PLEKHG1: variants seen among roughly 807,000 people sequenced by gnomAD.
The protein encoded by PLEKHG1 is pleckstrin homology domain-containing family G member 1.
Under a neutral mutation model 100.8 loss-of-function variants are expected in PLEKHG1, and 44 were observed. That is an observed-to-expected ratio of 0.44 (90% CI 0.34 to 0.56). PLEKHG1 has a LOEUF of 0.56. Ranked by LOEUF, PLEKHG1 falls within the 20% of genes least tolerant of loss-of-function variation. The probability of loss-of-function intolerance (pLI) is 0.01; values close to 1 mark genes in which losing one functional copy is unlikely to be tolerated. For synonymous variants in PLEKHG1, 640 were observed against 662.5 expected, an observed-to-expected ratio of 0.97 and a Z score of 0.52; for missense variants, 1,545 against 1,720.9, an observed-to-expected ratio of 0.90 and a Z score of 1.81.
At chr6:150,778,310 TAG>T (rs903884695) in intron 3 of PLEKHG1, among the ~76,000 whole-genome samples, 1 of 152,176 alleles carries the variant, frequency 6.6e-6, no homozygotes. Context: ...GTATTTTTAG[TAG>T]AGAGGGGGCT....
intron 13 of PLEKHG1, among the ~76,000 whole-genome samples, chr6:150,823,070 G>T (rs965879248): frequency 6.6e-6 from 1 of 152,208 alleles, no homozygotes; most frequent in Non-Finnish European, 1.5e-5. Context: ...GCTGTTAACT[G>T]TTGTTTCCTC....
intron 1 of PLEKHG1, among the ~76,000 whole-genome samples, chr6:150,603,300 T>C (rs1208672109): frequency 6.6e-6 from 1 of 152,138 alleles, no homozygotes; most frequent in Non-Finnish European, 1.5e-5. Flanking sequence ...TCAATCTTGC[T>C]TGATAAAATT....
chr6:150,648,195 T>A (rs1176961024), intron 2 of PLEKHG1, among the ~76,000 whole-genome samples: 1 of 152,160 alleles, frequency 6.6e-6, no homozygotes, highest in East Asian at 1.9e-4. Flanking sequence ...TTAAATGATC[T>A]TAACCTTTAC....
chr6:150,801,152 T>C (rs1345625106), intron 6 of PLEKHG1, among the ~76,000 whole-genome samples: 1 of 152,208 alleles, frequency 6.6e-6, no homozygotes, highest in Non-Finnish European at 1.5e-5. Context: ...CAGGGAGCTA[T>C]CATGCGAATG....
intron 2 of PLEKHG1, among the ~76,000 whole-genome samples, chr6:150,748,850 T>G (rs1783330225): frequency 6.6e-6 from 1 of 152,100 alleles, no homozygotes. Context: ...GGTCTGGAAC[T>G]CCTGACCTCA....
chr6:150,612,058 C>CCCCA (rs1554251541), intron 1 of PLEKHG1, among the ~76,000 whole-genome samples: 8 of 101,842 alleles, frequency 7.9e-5, no homozygotes, highest in South Asian at 7.9e-4. Context: ...CCCCCCCCCC[C>CCCCA]CCTTTTCTAG....
intron 3 of PLEKHG1, chr6:150,686,662 T>C (rs1184731768): frequency 6.6e-6 from 1 of 152,214 alleles, no homozygotes; most frequent in Non-Finnish European, 1.5e-5. Context: ...TTCTCTTGTC[T>C]CACCTCCCAA....
chr6:150,632,445 G>A (rs1232020623), intron 1 of PLEKHG1, among the ~76,000 whole-genome samples: 1 of 152,272 alleles, frequency 6.6e-6, no homozygotes, highest in Non-Finnish European at 1.5e-5. Context: ...GGCCTTGGGT[G>A]TCTATGGAGG....
chr6:150,694,995 T>C (rs1400047162), intron 3 of PLEKHG1, among the ~76,000 whole-genome samples: 1 of 152,200 alleles, frequency 6.6e-6, no homozygotes, highest in African/African-American at 2.4e-5. Flanking sequence ...TATTCCTACA[T>C]TGACATTTTA....
intron 3 of PLEKHG1, among the ~76,000 whole-genome samples, chr6:150,700,593 A>G (rs1780732515): frequency 6.6e-6 from 1 of 152,192 alleles, no homozygotes; most frequent in Non-Finnish European, 1.5e-5. Flanking sequence ...CACATATTCG[A>G]GATTCTCTAA....
intron 2 of PLEKHG1, among the ~76,000 whole-genome samples, chr6:150,755,152 T>A (rs1048600533): frequency 1.5e-4 from 23 of 151,984 alleles, no homozygotes; most frequent in Admixed American, 1.3e-3. Flanking sequence ...GTTTTTTAAT[T>A]TTTTTGTGGA....
intron 2 of PLEKHG1, among the ~76,000 whole-genome samples, chr6:150,745,187 C>A (rs1300204660): frequency 1.3e-5 from 2 of 152,174 alleles, no homozygotes; most frequent in African/African-American, 2.4e-5. Context: ...TTCTAGGCTA[C>A]AAACCTATAC....
intron 3 of PLEKHG1, chr6:150,663,605 G>A (rs113397083): frequency 0.084 from 12,411 of 148,120 alleles, 609 homozygotes; most frequent in South Asian, 0.16. Flanking sequence ...CCAGGCTGGA[G>A]TACAGTGGCA....
chr6:150,688,593 C>G (rs1780230525), intron 3 of PLEKHG1, among the ~76,000 whole-genome samples: 1 of 152,124 alleles, frequency 6.6e-6, no homozygotes, highest in Non-Finnish European at 1.5e-5. Flanking sequence ...AAGAGGCCTT[C>G]TCTCTTTGGG....
At chr6:150,840,230 C>T in exon 16 of PLEKHG1, 3 of 1,614,226 alleles carry the variant, frequency 1.9e-6, no homozygotes, top group South Asian at 2.2e-5. Context: ...ATCTTTACAA[C>T]TCCTTGGGTC....
intron 3 of PLEKHG1, among the ~76,000 whole-genome samples, chr6:150,707,824 G>A (rs1471163426): frequency 1.3e-5 from 2 of 152,124 alleles, no homozygotes; most frequent in African/African-American, 2.4e-5. Context: ...TACAGGTAAA[G>A]TCACTTTAAA....
At chr6:150,819,607 C>T in intron 11 of PLEKHG1, 72 bp from the exon 13 acceptor site, 1 of 765,444 alleles carries the variant, frequency 1.3e-6, no homozygotes, top group African/African-American at 1.7e-5. Context: ...TATAAATCTA[C>T]ACTAGCCATA....
intron 6 of PLEKHG1, among the ~76,000 whole-genome samples, chr6:150,803,859 GC>G (rs1202605717): frequency 6.6e-6 from 1 of 151,980 alleles, no homozygotes; most frequent in African/African-American, 2.4e-5. Flanking sequence ...AAATAAGTAT[GC>G]ATTTTATCTT....
At chr6:150,654,633 A>G (rs578075562) in intron 3 of PLEKHG1, among the ~76,000 whole-genome samples, 1 of 152,368 alleles carries the variant, frequency 6.6e-6, no homozygotes, top group South Asian at 2.1e-4. Flanking sequence ...TAGAAATAAT[A>G]TGGCGAAGGC....
Sources: allele counts gnomAD v4.1 joint callset (sites outside exome capture counted in the v4.1 genomes callset), GRCh38; gene constraint gnomAD v4.1.1; transcripts MANE v1.5; gene names NCBI Gene and HGNC (gene_info 2026-07-23, HGNC 2026-07-21).